The following SGCZ variants were observed in gnomAD, a reference collection of about 807,000 sequenced individuals.
SGCZ encodes sarcoglycan zeta.
Under a neutral mutation model 41.3 loss-of-function variants are expected in SGCZ, and 40 were observed. That is an observed-to-expected ratio of 0.97 (90% CI 0.75 to 1.26). The LOEUF is 1.26. Among genes scored for constraint, SGCZ ranks in the 50% most tolerant of loss-of-function variants. SGCZ has a pLI of 0.00. For synonymous variants in SGCZ, 206 were observed against 137.5 expected (o/e 1.50, Z -3.49); for missense variants, 552 against 369.8 (o/e 1.49, Z -4.04).
chr8:14,355,866 A>G (rs1480732494), intron 2 of SGCZ, among the ~76,000 whole-genome samples: 1 of 152,146 alleles, frequency 6.6e-6, no homozygotes, highest in Non-Finnish European at 1.5e-5. Context: ...TTTGACATCT[A>G]AGAAGGTCTG....
At chr8:14,450,367 A>G (rs1208375305) in intron 2 of SGCZ, among the ~76,000 whole-genome samples, 2 of 152,216 alleles carry the variant, frequency 1.3e-5, no homozygotes, top group East Asian at 3.8e-4. Context: ...AGGAGAATTA[A>G]CAGAATGAAA....
chr8:14,143,755 A>C (rs12677899), intron 5 of SGCZ, among the ~76,000 whole-genome samples: 2 of 152,100 alleles, frequency 1.3e-5, no homozygotes, highest in Non-Finnish European at 2.9e-5. Context: ...CTAAATGGTC[A>C]ATGCCACCCT....
intron 1 of SGCZ, among the ~76,000 whole-genome samples, chr8:15,190,431 A>G (rs1452422220): frequency 1.3e-5 from 2 of 152,132 alleles, no homozygotes; most frequent in African/African-American, 4.8e-5. Flanking sequence ...ACAGTGGTTA[A>G]GACTCACTCT....
At chr8:14,332,458 T>C (rs1802367354) in intron 2 of SGCZ, 1 of 151,622 alleles carries the variant, frequency 6.6e-6, no homozygotes, top group African/African-American at 2.4e-5. Flanking sequence ...TAAAATAAAA[T>C]AAAATAAAAA....
At chr8:15,214,910 G>T (rs993987134) in intron 1 of SGCZ, among the ~76,000 whole-genome samples, 1 of 152,116 alleles carries the variant, frequency 6.6e-6, no homozygotes, top group East Asian at 1.9e-4. Flanking sequence ...ACAGAAAAGC[G>T]AAGTTGCAGA....
intron 3 of SGCZ, among the ~76,000 whole-genome samples, chr8:14,271,179 G>A (rs368786313): frequency 1.6e-4 from 25 of 151,562 alleles, no homozygotes; most frequent in African/African-American, 5.1e-4. Context: ...CACATGTACC[G>A]TAAAACTTAA....
chr8:15,165,778 C>G, intron 1 of SGCZ, among the ~76,000 whole-genome samples: 1 of 152,154 alleles, frequency 6.6e-6, no homozygotes, highest in East Asian at 1.9e-4. Context: ...GCTGAAGTTG[C>G]AAAGAAGTGG....
chr8:14,653,139 C>CAGTA (rs1184038692), intron 1 of SGCZ, among the ~76,000 whole-genome samples: 2 of 151,998 alleles, frequency 1.3e-5, no homozygotes, highest in African/African-American at 4.8e-5. Context: ...TACAGACAGT[C>CAGTA]AGTAACTGGT....
chr8:14,133,674 A>G (rs73664116), intron 5 of SGCZ, among the ~76,000 whole-genome samples: 2,375 of 152,222 alleles, frequency 0.016, 60 homozygotes, highest in African/African-American at 0.054. Context: ...ATTTTTTTTA[A>G]TCAGTGTTTA....
chr8:14,111,381 G>T (rs1167661896), intron 5 of SGCZ, among the ~76,000 whole-genome samples: 1 of 152,078 alleles, frequency 6.6e-6, no homozygotes, highest in Non-Finnish European at 1.5e-5. Context: ...ACTTACTTAT[G>T]CTCACTTAGA....
intron 1 of SGCZ, among the ~76,000 whole-genome samples, chr8:14,986,975 A>G (rs1476298134): frequency 1.3e-5 from 2 of 152,010 alleles, no homozygotes; most frequent in Non-Finnish European, 2.9e-5. Flanking sequence ...GCTAATTTAT[A>G]TATTTTAATT....
chr8:14,807,258 G>T (rs1801568927), intron 1 of SGCZ, among the ~76,000 whole-genome samples: 1 of 151,970 alleles, frequency 6.6e-6, no homozygotes, highest in African/African-American at 2.4e-5. Context: ...AGAAATAAAG[G>T]GTATTCAATT....
chr8:14,184,611 A>C (rs776023339), intron 4 of SGCZ, among the ~76,000 whole-genome samples: 1 of 152,208 alleles, frequency 6.6e-6, no homozygotes, highest in Non-Finnish European at 1.5e-5. Context: ...TATCAATGCT[A>C]CTTCCTCACT....
At chr8:14,349,318 T>C (rs773224100) in intron 2 of SGCZ, among the ~76,000 whole-genome samples, 1 of 152,108 alleles carries the variant, frequency 6.6e-6, no homozygotes, top group Admixed American at 6.6e-5. Flanking sequence ...ATGAGAAACT[T>C]CTTTAACTCA....
chr8:15,005,575 G>T (rs569960012), intron 1 of SGCZ, among the ~76,000 whole-genome samples: 1 of 150,960 alleles, frequency 6.6e-6, no homozygotes, highest in Non-Finnish European at 1.5e-5. Flanking sequence ...AGGTTGTTCC[G>T]CCCACCTTGG....
chr8:14,999,892 C>A (rs1379102767), intron 1 of SGCZ, among the ~76,000 whole-genome samples: 1 of 152,168 alleles, frequency 6.6e-6, no homozygotes, highest in Non-Finnish European at 1.5e-5. Flanking sequence ...ACTGGGATAA[C>A]GTGTGAACAA....
chr8:14,255,944 AC>A (rs1799447618), intron 3 of SGCZ, among the ~76,000 whole-genome samples: 1 of 152,208 alleles, frequency 6.6e-6, no homozygotes, highest in Non-Finnish European at 1.5e-5. Context: ...CTAATCAGAA[AC>A]CAACAAAACT....
intron 1 of SGCZ, among the ~76,000 whole-genome samples, chr8:14,620,362 T>C (rs1326266367): frequency 6.6e-6 from 1 of 152,246 alleles, no homozygotes; most frequent in South Asian, 2.1e-4. Flanking sequence ...GCAATACCAT[T>C]CAGGTCATAG....
At chr8:14,577,739 G>A (rs1018715284) in intron 1 of SGCZ, among the ~76,000 whole-genome samples, 1 of 152,110 alleles carries the variant, frequency 6.6e-6, no homozygotes, top group African/African-American at 2.4e-5. Context: ...CTTCCAATCT[G>A]CTCATAATAA....
Sources: gnomAD v4.1 joint callset for allele counts (sites outside exome capture counted in the v4.1 genomes callset) on GRCh38, gnomAD v4.1.1 for gene constraint, MANE v1.5 for transcripts, NCBI Gene and HGNC (gene_info 2026-07-23, HGNC 2026-07-21) for gene names.